Variants in ATP6V0A4 observed in about 807,000 individuals in gnomAD.
ATP6V0A4 encodes ATPase H+ transporting V0 subunit a4.
ATP6V0A4 carries 86 observed loss-of-function variants against 107.3 expected under a neutral mutation model. The ratio of observed to expected loss-of-function variants is 0.80; its 90% CI spans 0.67 to 0.96. ATP6V0A4 has a LOEUF of 0.96. ATP6V0A4 is among the 40% of genes least tolerant of loss of function. The pLI, the probability that ATP6V0A4 is intolerant of heterozygous loss-of-function variation, is 0.00. For missense variants in ATP6V0A4, 908 were observed against 1,045.6 expected (o/e 0.87, Z 1.81); for synonymous variants, 353 against 381.4 (o/e 0.93, Z 0.87).
chr7:138,775,737 G>T (rs546331337), intron 2 of ATP6V0A4, among the ~76,000 whole-genome samples: 13 of 144,888 alleles, frequency 9.0e-5, no homozygotes, highest in Middle Eastern at 3.9e-3. Context: ...TGCAAGCTCT[G>T]CCTCCTGGGT....
chr7:138,724,134 G>C lies in ATP6V0A4; in HGVS notation c.2011-2109C>G, dbSNP rs1277176691. Among the ~76,000 whole-genome samples, 5 of 145,344 alleles carry C rather than the reference G, an allele frequency of 3.4e-5. No homozygotes were observed. In the East Asian group the frequency reaches 1.0e-3, roughly 30 times the overall value. Reference sequence around the variant, plus strand: ...GAGCCTGGGATGTTGAGGCTGAAGTGAGCAGTGTTTGCGCCACTGCACTCC... The same window carrying C: ...GAGCCTGGGATGTTGAGGCTGAAGTCAGCAGTGTTTGCGCCACTGCACTCC... On this transcript the variant is annotated intron_variant, in intron 18 of 21. Coordinates refer to ENST00000310018, the MANE Select transcript of ATP6V0A4 (RefSeq NM_020632.3).
At chr7:138,755,160 T>C (rs1358555637) in intron 10 of ATP6V0A4, among the ~76,000 whole-genome samples, 1 of 152,176 alleles carries the variant, frequency 6.6e-6, no homozygotes, top group Admixed American at 6.5e-5. Context: ...GCTGCTGTGA[T>C]TGAAGAAAGA....
At position 138,747,050 on chromosome 7, in the gene ATP6V0A4, G is replaced by T. The variant is rs545452617; in HGVS notation, c.1320+375C>A. On this transcript the variant is annotated intron_variant, in intron 13 of 21. Coordinates refer to ENST00000310018, the MANE Select transcript of ATP6V0A4 (RefSeq NM_020632.3). The stretch of plus-strand genomic sequence containing the variant: ...ATTGGTGGATAAGCACAAACAAATT[G>T]GAAAGATATCCAAAAGCATTCATGG... Among the ~76,000 whole-genome samples the T allele has an allele frequency of 1.7e-3, 262 of 152,016 alleles. 2 individuals are homozygous for T. The highest frequency in any genetic ancestry group is 6.1e-3 in the African/African-American group (253 of 41,478).
In ATP6V0A4 at chr7:138,752,613, C is replaced by T; in HGVS notation, c.1029+12G>A. ...ACTCATCGGACCCCTCCTGGCTCCA[C>T]CTGCCACGCACCATGCCTTGCTCCA... On this transcript the variant is annotated intron_variant, in intron 11 of 21. Transcript: ENST00000310018. The T allele has an allele frequency of 1.2e-6, 2 of 1,612,586 alleles. No homozygotes were observed.
chr7:138,787,724 G>A (rs540716805), intron 1 of ATP6V0A4, among the ~76,000 whole-genome samples: 1 of 152,266 alleles, frequency 6.6e-6, no homozygotes, highest in East Asian at 1.9e-4. Context: ...GAGGCCAGGA[G>A]CAGTGACTCA....
chr7:138,714,782 G>GA (rs1584889602), intron 20 of ATP6V0A4, among the ~76,000 whole-genome samples: 2 of 152,124 alleles, frequency 1.3e-5, no homozygotes, highest in Admixed American at 6.6e-5. Flanking sequence ...ATGGTAGCCT[G>GA]AAAAAATATG....
At chr7:138,743,574 G>A (rs562415762) in intron 14 of ATP6V0A4, among the ~76,000 whole-genome samples, 9 of 152,216 alleles carry the variant, frequency 5.9e-5, no homozygotes, top group South Asian at 4.1e-4. Context: ...CATTTATGAC[G>A]TTCACCACAG....
chr7:138,745,620 T>A (rs1474124650), intron 13 of ATP6V0A4, among the ~76,000 whole-genome samples: 1 of 133,272 alleles, frequency 7.5e-6, no homozygotes, highest in Non-Finnish European at 1.5e-5. Flanking sequence ...GAGGCTGCAG[T>A]GAGCCAAGAT....
chr7:138,760,607 C>T (rs961301104), intron 7 of ATP6V0A4, among the ~76,000 whole-genome samples: 4 of 152,044 alleles, frequency 2.6e-5, no homozygotes, highest in Non-Finnish European at 5.9e-5. Context: ...TTTCCATTAT[C>T]CAAGCATGTA....
At chr7:138,732,567 G>A (rs1219141390) in intron 17 of ATP6V0A4, among the ~76,000 whole-genome samples, 2 of 152,092 alleles carry the variant, frequency 1.3e-5, no homozygotes, top group Admixed American at 1.3e-4. Context: ...GCCAAAGCAG[G>A]TAGATTGCTT....
Position 138,767,400 on chromosome 7 carries a change from G to T in ATP6V0A4, c.291+1380C>A, listed in dbSNP as rs533181620. 1.8e-3 allele frequency among the ~76,000 whole-genome samples: 273 copies of T among 152,240 alleles called. 3 individuals carry two copies. The highest frequency in any genetic ancestry group is 6.1e-3 in the African/African-American group (253 of 41,548). On this transcript the variant is annotated intron_variant, in intron 5 of 21. Coordinates refer to ENST00000310018, the MANE Select transcript of ATP6V0A4 (RefSeq NM_020632.3). ...TAGCTGGGCGTGGTGGCGCATGCCT[G>T]TAATCCCAGCTACTTGGGAGGCTAA...
At chr7:138,732,413 C>A (rs953358985) in intron 17 of ATP6V0A4, among the ~76,000 whole-genome samples, 1 of 152,040 alleles carries the variant, frequency 6.6e-6, no homozygotes, top group Non-Finnish European at 1.5e-5. Context: ...TTTAATAAGA[C>A]ACTTTTGAGA....
rs182107432 is a variant in ATP6V0A4, at chr7:138,785,109, G to A, written c.-18+1049C>T. 4.3e-4 allele frequency among the ~76,000 whole-genome samples: 65 copies of A among 152,274 alleles called. 1 individual carries two copies. Among genetic ancestry groups the A allele is most frequent in the Non-Finnish European group, 1.5e-5 (1 of 68,022 alleles). On this transcript the variant is annotated intron_variant, in intron 2 of 21. Transcript: ENST00000310018. ...GGATAAATACAGAGCCAGCTAAAATGTTTGCAAGGAATTTAATCCAAAAAT... is the reference window on the plus strand; with the variant it reads ...GGATAAATACAGAGCCAGCTAAAATATTTGCAAGGAATTTAATCCAAAAAT...
At chr7:138,741,549 G>A (rs1461460483) in intron 14 of ATP6V0A4, among the ~76,000 whole-genome samples, 1 of 152,142 alleles carries the variant, frequency 6.6e-6, no homozygotes, top group Non-Finnish European at 1.5e-5. Flanking sequence ...AGGCCACCTG[G>A]CGACTATGAT....
At position 138,798,086 on chromosome 7, in the gene ATP6V0A4, A is replaced by G. The variant is rs1387051309; in HGVS notation, c.-173T>C. 2 of 1,588,134 alleles carry G rather than the reference A, an allele frequency of 1.3e-6. No homozygotes were observed. Among genetic ancestry groups the G allele is most frequent in the East Asian group, 2.3e-5 (1 of 43,490 alleles). ...CAGGACCGGCTCACCTGCACCGGGCACTCAGCACAGCCTCCAGCATGCAGC... is the reference window on the plus strand; with the variant it reads ...CAGGACCGGCTCACCTGCACCGGGCGCTCAGCACAGCCTCCAGCATGCAGC... On this transcript the variant is annotated 5_prime_UTR_variant, in exon 1 of 22. Transcript: ENST00000310018.
chr7:138,765,265 C>T (rs967782882), intron 5 of ATP6V0A4, among the ~76,000 whole-genome samples: 2 of 152,154 alleles, frequency 1.3e-5, no homozygotes, highest in African/African-American at 2.4e-5. Flanking sequence ...CATTACCTCC[C>T]GTCTCAGAGA....
At chr7:138,716,395 T>C (rs916585318) in intron 19 of ATP6V0A4, among the ~76,000 whole-genome samples, 1 of 151,282 alleles carries the variant, frequency 6.6e-6, no homozygotes, top group Non-Finnish European at 1.5e-5. Flanking sequence ...TGAGGAGCCA[T>C]AGAGGCAGGT....
chr7:138,774,692 A>G (rs1269587881), intron 2 of ATP6V0A4, among the ~76,000 whole-genome samples: 2 of 43,164 alleles, frequency 4.6e-5, no homozygotes, highest in Non-Finnish European at 1.4e-4. Context: ...GTATATACAC[A>G]TATGTATATA....
At chr7:138,715,358 G>T (rs1803984118) in intron 20 of ATP6V0A4, among the ~76,000 whole-genome samples, 1 of 152,096 alleles carries the variant, frequency 6.6e-6, no homozygotes, top group Non-Finnish European at 1.5e-5. Context: ...CCGCCACCAT[G>T]CCCAGCTAAT....
Sources: allele counts gnomAD v4.1 joint callset (sites outside exome capture counted in the v4.1 genomes callset), GRCh38; gene constraint gnomAD v4.1.1; transcripts MANE v1.5; gene names NCBI Gene and HGNC (gene_info 2026-07-23, HGNC 2026-07-21).